The following PFN1 variants were observed in gnomAD, a reference collection of about 807,000 sequenced individuals.
PFN1 encodes profilin 1.
Under a neutral mutation model 11.7 loss-of-function variants are expected in PFN1, and 2 were observed. The ratio of observed to expected loss-of-function variants is 0.17; its 90% CI spans 0.07 to 0.54. The LOEUF is 0.54. PFN1 is among the 20% of genes least tolerant of loss of function. The probability of loss-of-function intolerance (pLI) is 0.94; values close to 1 mark genes in which losing one functional copy is unlikely to be tolerated. For missense variants in PFN1, 97 were observed against 188.4 expected, an observed-to-expected ratio of 0.51 and a Z score of 2.84; for synonymous variants, 78 against 76.2, an observed-to-expected ratio of 1.02 and a Z score of -0.12.
At chr17:4,947,194 A>G (rs1971418003) in intron 1 of PFN1, 1 of 111,610 alleles carries the variant, frequency 9.0e-6, no homozygotes, top group South Asian at 3.5e-4. Context: ...CGGAGAGGGG[A>G]AGGGAGGGGG....
In PFN1 at chr17:4,946,790, C is replaced by G; in HGVS notation, c.163G>C (p.Asp55His). 1 of 1,613,462 alleles carries G rather than the reference C, an allele frequency of 6.2e-7. No individual in the cohort carries two copies. Among genetic ancestry groups the G allele is most frequent in the East Asian group, 2.2e-5 (1 of 44,814 alleles). Residue 55 changes from aspartate (D) to histidine (H), a missense_variant, in exon 2 of 3, where the codon GAC becomes CAC. Asp to His is a moderately conservative substitution (Grantham distance 81, BLOSUM62 -1). Coordinates refer to ENST00000225655, the MANE Select transcript of PFN1 (RefSeq NM_005022.4). ...CCATTCACGTAAAAACTTGACCGGT[C>G]TTTGCCAACCAGGACACCCACCTCA... ...PAEVGVLVGK[D>H]RSSFYVNGLT...
Position 4,945,726 on chromosome 17 carries a change from G to A in PFN1, c.*174C>T, listed in dbSNP as rs1971369928. 4 of 522,558 alleles carry A rather than the reference G, an allele frequency of 7.7e-6. No individual in the cohort carries two copies. Among genetic ancestry groups the A allele is most frequent in the African/African-American group, 5.8e-5 (3 of 51,664 alleles). The allele number at this position is 522,558 out of a possible 1,614,324, so 32.4% of individuals were successfully genotyped here. ...AAGTTTTCCAACCACACACGGGAGG[G>A]ATATGGGTAGGGGGAGGTGTCTGTC... On this transcript the variant is annotated 3_prime_UTR_variant, in exon 3 of 3. Transcript: ENST00000225655.
At position 4,945,917 on chromosome 17, in the gene PFN1, G is replaced by A. The variant is rs141382214; in HGVS notation, c.406C>T (p.Arg136Trp). 4 of 1,608,202 alleles carry A rather than the reference G, an allele frequency of 2.5e-6. No homozygotes were observed. Among genetic ancestry groups the A allele is most frequent in the Non-Finnish European group, 3.4e-6 (4 of 1,174,558 alleles). ...KKCYEMASHL[R>W]RSQY is the part of the protein sequence containing the mutation. ...AGACGAGGTCAGTACTGGGAACGCC[G>A]AAGGTGGGAGGCCATTTCATAACAT... Residue 136 changes from arginine (R) to tryptophan (W), a missense_variant, in exon 3 of 3, where the codon CGG becomes TGG. Coordinates refer to ENST00000225655, the MANE Select transcript of PFN1 (RefSeq NM_005022.4).
At chr17:4,948,143 G>A (rs1000193829) in intron 1 of PFN1, 120 bp downstream of exon 1, 41 of 1,221,522 alleles carry the variant, frequency 3.4e-5, no homozygotes, top group African/African-American at 4.8e-5. Flanking sequence ...GCCGCTTCCA[G>A]GGCAAGCACC....
chr17:4,946,529 C>T, intron 2 of PFN1, 99 bp downstream of exon 2: 3 of 890,690 alleles, frequency 3.4e-6, no homozygotes, highest in Non-Finnish European at 3.5e-6. Flanking sequence ...TGACTCCCTT[C>T]ATGTTGGGGA....
rs150748026 is a variant in PFN1 at position 4,947,790 on chromosome 17, G to A, written c.132+473C>T. 3.5e-3 allele frequency among the ~76,000 whole-genome samples: 536 copies of A among 152,260 alleles called. 3 individuals carry two copies. The highest frequency in any genetic ancestry group is 0.012 in the African/African-American group (517 of 41,566). On this transcript the variant is annotated intron_variant, in intron 1 of 2. Transcript: ENST00000225655. ...AGGAGGGGCCAGAAGCCCACAGAGG[G>A]TGGGCAAGGGACCAAGACCACGCGC...
intron 1 of PFN1, 183 bp from the exon 2 acceptor site, chr17:4,947,003 C>T: frequency 2.1e-6 from 1 of 479,652 alleles, no homozygotes; most frequent in Non-Finnish European, 3.6e-6. Flanking sequence ...GACGTTAGTG[C>T]AGAAAAAGAT....
intron 1 of PFN1, chr17:4,948,012 T>G: frequency 2.7e-6 from 1 of 369,380 alleles, no homozygotes; most frequent in Non-Finnish European, 4.9e-6. Flanking sequence ...CTCCCCGCCC[T>G]GTGCCCCGGA....
At chr17:4,947,900 C>G (rs1308277595) in intron 1 of PFN1, among the ~76,000 whole-genome samples, 1 of 152,170 alleles carries the variant, frequency 6.6e-6, no homozygotes, top group African/African-American at 2.4e-5. Flanking sequence ...TCCAAGGATC[C>G]CCGGGTCCCC....
chr17:4,948,206 C>T, intron 1 of PFN1, 57 bp downstream of exon 1: 1 of 1,444,368 alleles, frequency 6.9e-7, no homozygotes, highest in South Asian at 1.3e-5. Flanking sequence ...CCACCCAAGT[C>T]CCTCCCTCAG....
intron 1 of PFN1, chr17:4,947,942 CG>C: frequency 3.6e-6 from 1 of 279,116 alleles, no homozygotes; most frequent in South Asian, 7.5e-5. Flanking sequence ...AAAACTGAGG[CG>C]CGTCCCCGCC....
chr17:4,946,058 C>CA, intron 2 of PFN1, 61 bp from the exon 3 acceptor site: 2 of 1,253,978 alleles, frequency 1.6e-6, no homozygotes, highest in Admixed American at 3.4e-5. Flanking sequence ...CACCCCCTGC[C>CA]AGCTGTTCAG....
intron 1 of PFN1, 87 bp downstream of exon 1, chr17:4,948,176 G>A: frequency 3.5e-6 from 5 of 1,439,112 alleles, no homozygotes; most frequent in Non-Finnish European, 4.6e-6. Context: ...CTCGCTGCGC[G>A]CCCTAGACCG....
intron 2 of PFN1, 103 bp downstream of exon 2, chr17:4,946,525 C>T: frequency 1.2e-6 from 1 of 857,568 alleles, no homozygotes; most frequent in Non-Finnish European, 1.8e-6. Flanking sequence ...GGTCTGACTC[C>T]CTTCATGTTG....
intron 1 of PFN1, 105 bp from the exon 2 acceptor site, chr17:4,946,925 T>C: frequency 1.1e-6 from 1 of 940,922 alleles, no homozygotes; most frequent in Non-Finnish European, 1.6e-6. Flanking sequence ...CACCCCGCCG[T>C]GGGGGCTAAG....
chr17:4,948,295 C>T lies in PFN1; in HGVS notation c.100G>A (p.Ala34Thr). The T allele has an allele frequency of 1.9e-6, 3 of 1,609,186 alleles. No homozygotes were observed. The highest frequency in any genetic ancestry group is 1.1e-5 in the South Asian group (1 of 90,554). ...GYKDSPSVWA[A>T]VPGKTFVNIT... ...TTGACGAACGTTTTCCCGGGGACGGCGGCCCAGACGGAGGGCGAGTCCTTG... is the reference window on the plus strand; with the variant it reads ...TTGACGAACGTTTTCCCGGGGACGGTGGCCCAGACGGAGGGCGAGTCCTTG... Residue 34 changes from alanine to threonine, a missense_variant, in exon 1 of 3, where the codon GCC becomes ACC. Transcript: ENST00000225655.
chr17:4,947,878 G>A (rs1971440217), intron 1 of PFN1, among the ~76,000 whole-genome samples: 1 of 152,116 alleles, frequency 6.6e-6, no homozygotes. Context: ...CAGCCGGACG[G>A]GGAGCTGGGG....
Position 4,948,365 on chromosome 17 carries a change from G to T in PFN1, c.30C>A (p.Asn10Lys). 6.2e-7 allele frequency: 1 copy of T among 1,609,706 alleles called. No individual in the cohort carries two copies. Among genetic ancestry groups the T allele is most frequent in the Non-Finnish European group, 8.5e-7 (1 of 1,178,826 alleles). The change falls in exon 1 of 3, where the codon AAC (asparagine) becomes AAA (lysine). Residue 10 changes from asparagine to lysine, a missense_variant. Coordinates refer to ENST00000225655, the MANE Select transcript of PFN1 (RefSeq NM_005022.4). ...CCTGACAGGTCCCGTCCGCCATGAGGTTGTCGATGTAGGCGTTCCACCCGG... is the reference window on the plus strand; with the variant it reads ...CCTGACAGGTCCCGTCCGCCATGAGTTTGTCGATGTAGGCGTTCCACCCGG... MAGWNAYID[N>K]LMADGTCQDA...
At chr17:4,946,944 A>ATAT (rs1971410418) in intron 1 of PFN1, 124 bp from the exon 2 acceptor site, 1 of 723,706 alleles carries the variant, frequency 1.4e-6, no homozygotes, top group Non-Finnish European at 2.3e-6. Context: ...AGTATAAATT[A>ATAT]TATACTCAGT....
Sources: allele counts gnomAD v4.1 joint callset (sites outside exome capture counted in the v4.1 genomes callset), GRCh38; gene constraint gnomAD v4.1.1; transcripts MANE v1.5; gene names NCBI Gene and HGNC (gene_info 2026-07-23, HGNC 2026-07-21).